SLC24A3: variants seen among roughly 807,000 people sequenced by gnomAD.
The protein encoded by SLC24A3 is sodium/potassium/calcium exchanger 3.
A neutral mutation model predicts 75.8 loss-of-function variants in SLC24A3; 28 were observed. The observed-to-expected ratio is 0.37, with a 90% confidence interval of 0.27 to 0.51. The LOEUF (loss-of-function observed/expected upper bound fraction) is 0.51. SLC24A3 is among the 20% of genes least tolerant of loss of function. The pLI is 0.94. For synonymous variants in SLC24A3, 372 were observed against 334.1 expected, an observed-to-expected ratio of 1.11 and a Z score of -1.24; for missense variants, 663 against 847.8, an observed-to-expected ratio of 0.78 and a Z score of 2.71.
chr20:19,472,401 C>T (rs866310505), intron 2 of SLC24A3, among the ~76,000 whole-genome samples: 1 of 152,202 alleles, frequency 6.6e-6, no homozygotes, highest in African/African-American at 2.4e-5. Flanking sequence ...ACTGGGCTTG[C>T]CCTGGGATGG....
At chr20:19,528,769 T>C (rs2030243280) in intron 3 of SLC24A3, among the ~76,000 whole-genome samples, 1 of 152,198 alleles carries the variant, frequency 6.6e-6, no homozygotes, top group Admixed American at 6.5e-5. Flanking sequence ...TTTTCCTCTG[T>C]ACTGTGGACC....
intron 2 of SLC24A3, among the ~76,000 whole-genome samples, chr20:19,488,228 A>G (rs887989082): frequency 2.6e-5 from 4 of 152,232 alleles, no homozygotes; most frequent in Non-Finnish European, 5.9e-5. Flanking sequence ...CAGCAGTACT[A>G]GGCAGAGGCC....
intron 2 of SLC24A3, among the ~76,000 whole-genome samples, chr20:19,409,248 G>A (rs182038220): frequency 1.2e-4 from 19 of 152,256 alleles, no homozygotes; most frequent in Admixed American, 3.3e-4. Context: ...AGGAAGAGGC[G>A]CAGCAGGAGC....
intron 2 of SLC24A3, among the ~76,000 whole-genome samples, chr20:19,377,209 G>A (rs866889909): frequency 6.6e-6 from 1 of 152,150 alleles, no homozygotes; most frequent in Non-Finnish European, 1.5e-5. Flanking sequence ...TTGAACGTTG[G>A]AGTGTGTCAC....
intron 9 of SLC24A3, among the ~76,000 whole-genome samples, chr20:19,677,032 A>G (rs1043416936): frequency 1.3e-5 from 2 of 152,260 alleles, no homozygotes; most frequent in African/African-American, 2.4e-5. Context: ...AGCTTAGTTA[A>G]GCTGTCAAGC....
intron 8 of SLC24A3, among the ~76,000 whole-genome samples, chr20:19,669,221 G>T (rs2032435882): frequency 6.6e-6 from 1 of 152,172 alleles, no homozygotes; most frequent in African/African-American, 2.4e-5. Flanking sequence ...GGAAGCATCG[G>T]CAGGTCATGG....
At chr20:19,484,293 G>T (rs1988098755) in intron 2 of SLC24A3, among the ~76,000 whole-genome samples, 1 of 152,110 alleles carries the variant, frequency 6.6e-6, no homozygotes, top group Non-Finnish European at 1.5e-5. Flanking sequence ...GTAGCCTAAA[G>T]GTTATTTTTT....
At chr20:19,623,073 T>C (rs1352270974) in intron 6 of SLC24A3, among the ~76,000 whole-genome samples, 1 of 152,094 alleles carries the variant, frequency 6.6e-6, no homozygotes. Context: ...AATTTCAACA[T>C]GAGATTTAGA....
At chr20:19,583,328 G>A (rs1338188516) in intron 4 of SLC24A3, among the ~76,000 whole-genome samples, 1 of 152,152 alleles carries the variant, frequency 6.6e-6, no homozygotes, top group Non-Finnish European at 1.5e-5. Flanking sequence ...TTTTGAGGAA[G>A]GGTATTTGGT....
At chr20:19,322,785 G>A (rs1984743827) in intron 2 of SLC24A3, among the ~76,000 whole-genome samples, 1 of 152,210 alleles carries the variant, frequency 6.6e-6, no homozygotes, top group Admixed American at 6.5e-5. Context: ...CCCAGGGCCT[G>A]TGGTTAAGCC....
At chr20:19,515,377 CT>C (rs373801012) in intron 2 of SLC24A3, 110 bp from the exon 3 acceptor site, 10,358 of 1,032,626 alleles carry the variant, frequency 0.01, 74 homozygotes, top group Middle Eastern at 0.014. Context: ...GATTCAGGAT[CT>C]TTTTTTCATC....
At chr20:19,410,312 C>T (rs1447232138) in intron 2 of SLC24A3, among the ~76,000 whole-genome samples, 1 of 152,044 alleles carries the variant, frequency 6.6e-6, no homozygotes, top group Non-Finnish European at 1.5e-5. Flanking sequence ...CTTGAGGAAG[C>T]GAACCCAGCG....
At chr20:19,450,162 T>C (rs1253817822) in intron 2 of SLC24A3, among the ~76,000 whole-genome samples, 3 of 152,200 alleles carry the variant, frequency 2.0e-5, no homozygotes, top group Admixed American at 2.0e-4. Context: ...ATACTCCTTT[T>C]CTTTGGCTCA....
chr20:19,398,539 A>G (rs533227570), intron 2 of SLC24A3, among the ~76,000 whole-genome samples: 2 of 152,262 alleles, frequency 1.3e-5, no homozygotes, highest in South Asian at 4.1e-4. Context: ...GTATCTTGCA[A>G]CCTTGTGAAA....
chr20:19,282,435 C>A (rs939490340), intron 2 of SLC24A3, among the ~76,000 whole-genome samples: 4 of 152,226 alleles, frequency 2.6e-5, no homozygotes, highest in Non-Finnish European at 5.9e-5. Context: ...AGCACATGGG[C>A]AGCTACGTGA....
intron 2 of SLC24A3, among the ~76,000 whole-genome samples, chr20:19,355,831 C>T (rs1455243117): frequency 6.6e-6 from 1 of 152,164 alleles, no homozygotes; most frequent in Non-Finnish European, 1.5e-5. Context: ...TTGTAATGGG[C>T]TGTAAAATAC....
intron 6 of SLC24A3, among the ~76,000 whole-genome samples, chr20:19,625,886 T>C (rs1310692012): frequency 6.6e-6 from 1 of 152,174 alleles, no homozygotes; most frequent in African/African-American, 2.4e-5. Flanking sequence ...AATGCAACAC[T>C]TTCTCTTACT....
intron 2 of SLC24A3, among the ~76,000 whole-genome samples, chr20:19,368,082 G>C (rs1985927838): frequency 6.6e-6 from 1 of 152,170 alleles, no homozygotes; most frequent in Admixed American, 6.5e-5. Flanking sequence ...ATAGGGCTGT[G>C]AGGGTGTGTA....
chr20:19,262,375 A>G (rs371533010), intron 1 of SLC24A3, among the ~76,000 whole-genome samples: 1 of 143,800 alleles, frequency 7.0e-6, no homozygotes, highest in South Asian at 2.3e-4. Context: ...ACTGCACTCC[A>G]GCCTGGGCGA....
Sources: gnomAD v4.1 joint callset for allele counts (sites outside exome capture counted in the v4.1 genomes callset) on GRCh38, gnomAD v4.1.1 for gene constraint, MANE v1.5 for transcripts, NCBI Gene and HGNC (gene_info 2026-07-23, HGNC 2026-07-21) for gene names.